ATXN1L: variants seen among roughly 807,000 people sequenced by gnomAD.
ATXN1L encodes ataxin-1-like.
A neutral mutation model predicts 43.4 loss-of-function variants in ATXN1L; 8 were observed. The ratio of observed to expected loss-of-function variants is 0.18; its 90% CI spans 0.11 to 0.33. ATXN1L has a LOEUF of 0.33. Ranked by LOEUF, ATXN1L falls within the 10% of genes least tolerant of loss-of-function variation. ATXN1L has a pLI of 1.00. For missense variants in ATXN1L, 856 were observed against 885.4 expected (o/e 0.97, Z 0.42); for synonymous variants, 379 against 360.6 (o/e 1.05, Z -0.58).
chr16:71,851,143 A>G lies in ATXN1L; in HGVS notation c.1403A>G (p.His468Arg), dbSNP rs1382793954. Residue 468 changes from histidine (H) to arginine (R), a missense_variant, in exon 3 of 3, where the codon CAT (histidine) becomes CGT (arginine). Coordinates refer to ENST00000427980, the MANE Select transcript of ATXN1L (RefSeq NM_001137675.4). This position sits in a 1 kb window ranked among gnomAD's most constrained non-coding sequence, Gnocchi z 4.9. Reference protein sequence around the residue: ...PPITSSHLPSHFMKGAIIQLA... With the variant: ...PPITSSHLPSRFMKGAIIQLA... ...ATTACCTCCTCTCACTTGCCTTCCC[A>G]TTTCATGAAAGGCGCCATCATCCAG... The G allele has an allele frequency of 1.3e-6, 2 of 1,551,496 alleles. No individual in the cohort carries two copies. Among genetic ancestry groups the G allele is most frequent in the Non-Finnish European group, 8.7e-7 (1 of 1,146,948 alleles).
rs2033534454 is a variant in ATXN1L, at chr16:71,854,552, CCT to C, written c.*2745_*2746del. On this transcript the variant is annotated 3_prime_UTR_variant, in exon 3 of 3. Coordinates refer to ENST00000427980, the MANE Select transcript of ATXN1L (RefSeq NM_001137675.4). ...GCTGTGGCCTCCCCCTTGCCTTTAA[CCT>C]CTAGTTTAGTCTTTTCCTCCAGGCA... 3 of 167,186 alleles carry C rather than the reference CCT, an allele frequency of 1.8e-5. 1 individual carries two copies. The South Asian group carries it at 6.2e-4, about 35-fold the overall frequency. The allele number at this position is 167,186 out of a possible 1,614,324, so 10.4% of individuals were successfully genotyped here.
In ATXN1L at chr16:71,851,845, C is replaced by G; in HGVS notation, c.*35C>G. 1 of 1,387,630 alleles carries G rather than the reference C, an allele frequency of 7.2e-7. No individual in the cohort carries two copies. Among genetic ancestry groups the G allele is most frequent in the Non-Finnish European group, 9.4e-7 (1 of 1,064,964 alleles). The allele number at this position is 1,387,630 out of a possible 1,614,324, so 86.0% of individuals were successfully genotyped here. ...CCAGACCAGGACTGGGGCTTTACCCCAGAGCCTCGCCTCGCCGCCGTGAGC... is the reference window on the plus strand; with the variant it reads ...CCAGACCAGGACTGGGGCTTTACCCGAGAGCCTCGCCTCGCCGCCGTGAGC... On this transcript the variant is annotated 3_prime_UTR_variant, in exon 3 of 3. Coordinates refer to ENST00000427980, the MANE Select transcript of ATXN1L (RefSeq NM_001137675.4). The surrounding 1 kb of genome is among the most constrained non-coding windows in gnomAD (Gnocchi z 4.9).
chr16:71,849,724 G>A lies in ATXN1L; in HGVS notation c.-17G>A, dbSNP rs571872583. On this transcript the variant is annotated 5_prime_UTR_variant, in exon 3 of 3. Transcript: ENST00000427980. Reference sequence around the variant, plus strand: ...CAAGTCGACTCCTTCCAGGCTCCAGGAACACCACAAAGCAATATGAAACCT... The same window carrying A: ...CAAGTCGACTCCTTCCAGGCTCCAGAAACACCACAAAGCAATATGAAACCT... The A allele has an allele frequency of 9.8e-5, 144 of 1,475,768 alleles. No individual in the cohort carries two copies. In the South Asian group the frequency reaches 1.8e-3, roughly 19 times the overall value. 91.4% of individuals were successfully genotyped at this position (1,475,768 alleles called of 1,614,324 possible). A position where few individuals can be genotyped will look rare whatever the true frequency, so the allele number is the denominator to read the frequency against.
rs1176300731 is a variant in ATXN1L, at chr16:71,850,636, T to C, written c.896T>C (p.Leu299Pro). ...AACAGCAAGGGTGAAGGCCAGGGACTGGTGCCAGTGGTAGAATGTGTGGTG... is the reference window on the plus strand; with the variant it reads ...AACAGCAAGGGTGAAGGCCAGGGACCGGTGCCAGTGGTAGAATGTGTGGTG... ...SPNSKGEGQG[L>P]VPVVECVVDG... is the part of the protein sequence containing the mutation. The change falls in exon 3 of 3, where the codon CTG (leucine) becomes CCG (proline). Residue 299 changes from leucine (L) to proline (P), a missense_variant. This residue lies in a region of ATXN1L where 490 missense variants were observed against 449.4 expected (regional missense o/e 1.09). Coordinates refer to ENST00000427980, the MANE Select transcript of ATXN1L (RefSeq NM_001137675.4). 7.1e-6 allele frequency: 11 copies of C among 1,551,728 alleles called. No individual in the cohort carries two copies. In the Admixed American group the frequency reaches 2.0e-4, roughly 28 times the overall value.
chr16:71,853,750 C>G lies in ATXN1L; in HGVS notation c.*1940C>G, dbSNP rs1373028640. ...AGAGTGACTGAAACTGGCTTGTTTG[C>G]TACAAGCCCTACCCTCCACTCTTTC... On this transcript the variant is annotated 3_prime_UTR_variant, in exon 3 of 3. Transcript: ENST00000427980. The G allele has an allele frequency of 1.2e-5, 2 of 166,842 alleles. No homozygotes were observed. Among genetic ancestry groups the G allele is most frequent in the African/African-American group, 4.8e-5 (2 of 41,338 alleles). 10.3% of individuals were successfully genotyped at this position (166,842 alleles called of 1,614,324 possible). A position where few individuals can be genotyped will look rare whatever the true frequency, so the allele number is the denominator to read the frequency against.
In ATXN1L at chr16:71,856,223, T is replaced by C. The variant is rs1167399052; in HGVS notation, c.*4413T>C. The C allele has an allele frequency of 6.0e-6, 1 of 167,128 alleles. No individual in the cohort carries two copies. Among genetic ancestry groups the C allele is most frequent in the Non-Finnish European group, 1.5e-5 (1 of 68,120 alleles). 10.4% of individuals were successfully genotyped at this position (167,128 alleles called of 1,614,324 possible). On this transcript the variant is annotated 3_prime_UTR_variant, in exon 3 of 3. Coordinates refer to ENST00000427980, the MANE Select transcript of ATXN1L (RefSeq NM_001137675.4). ...ACTTTTCACACTAAAGGTTTCTTTATTAGTTCTCCAGTTAAACCTAGATCC... is the reference window on the plus strand; with the variant it reads ...ACTTTTCACACTAAAGGTTTCTTTACTAGTTCTCCAGTTAAACCTAGATCC...
At position 71,851,924 on chromosome 16, in the gene ATXN1L, T is replaced by G. The variant is rs572107321; in HGVS notation, c.*114T>G. The G allele has an allele frequency of 5.7e-6, 7 of 1,236,568 alleles. No individual in the cohort carries two copies. The highest frequency in any genetic ancestry group is 5.6e-5 in the East Asian group (2 of 35,950). The allele number at this position is 1,236,568 out of a possible 1,614,324, so 76.6% of individuals were successfully genotyped here. A position where few individuals can be genotyped will look rare whatever the true frequency, so the allele number is the denominator to read the frequency against. ...GGAATGGCTTTCTTGGCAGTGAGATTTGGGGGAAAGGGGAGGCATGAAGTC... is the reference window on the plus strand; with the variant it reads ...GGAATGGCTTTCTTGGCAGTGAGATGTGGGGGAAAGGGGAGGCATGAAGTC... On this transcript the variant is annotated 3_prime_UTR_variant, in exon 3 of 3. Coordinates refer to ENST00000427980, the MANE Select transcript of ATXN1L (RefSeq NM_001137675.4). The surrounding 1 kb of genome is among the most constrained non-coding windows in gnomAD (Gnocchi z 4.9).
rs2033477231 is a variant in ATXN1L, at chr16:71,849,632, G to A, written c.-109G>A. The A allele has an allele frequency of 6.4e-6, 8 of 1,242,964 alleles. No homozygotes were observed. Among genetic ancestry groups the A allele is most frequent in the South Asian group, 5.7e-5 (3 of 52,318 alleles). 77.0% of individuals were successfully genotyped at this position (1,242,964 alleles called of 1,614,324 possible). A position where few individuals can be genotyped will look rare whatever the true frequency, so the allele number is the denominator to read the frequency against. The stretch of plus-strand genomic sequence containing the variant: ...GATTTGTTCCCTAATAGATGTGGGC[G>A]CCCCAGCCAGAAGCAGAGAGGGGTA... On this transcript the variant is annotated 5_prime_UTR_variant, in exon 3 of 3. Coordinates refer to ENST00000427980, the MANE Select transcript of ATXN1L (RefSeq NM_001137675.4).
rs1373426001 is a variant in ATXN1L at position 71,848,049 on chromosome 16, C to T, written c.-140C>T. On this transcript the variant is annotated 5_prime_UTR_variant, in exon 2 of 3. Coordinates refer to ENST00000427980, the MANE Select transcript of ATXN1L (RefSeq NM_001137675.4). ...CGGGAGGACACTTACTACAGCTGCT[C>T]AGAAGCACCACTGGAAACTCAGGTA... The T allele has an allele frequency of 2.2e-6, 1 of 455,862 alleles. No homozygotes were observed. The highest frequency in any genetic ancestry group is 2.4e-5 in the Admixed American group (1 of 42,540). 28.2% of individuals were successfully genotyped at this position (455,862 alleles called of 1,614,324 possible).
rs1211391240 is a variant in ATXN1L, at chr16:71,854,321, A to G, written c.*2511A>G. The G allele has an allele frequency of 6.0e-6, 1 of 167,082 alleles. No homozygotes were observed. Among genetic ancestry groups the G allele is most frequent in the Non-Finnish European group, 1.5e-5 (1 of 68,122 alleles). The allele number at this position is 167,082 out of a possible 1,614,324, so 10.3% of individuals were successfully genotyped here. A position where few individuals can be genotyped will look rare whatever the true frequency, so the allele number is the denominator to read the frequency against. ...CTTCCACTGAATTCTGGAAAGAGAAATTCTTGAGGACCCTGGCAAGTTGGG... is the reference window on the plus strand; with the variant it reads ...CTTCCACTGAATTCTGGAAAGAGAAGTTCTTGAGGACCCTGGCAAGTTGGG... On this transcript the variant is annotated 3_prime_UTR_variant, in exon 3 of 3. Coordinates refer to ENST00000427980, the MANE Select transcript of ATXN1L (RefSeq NM_001137675.4).
At chr16:71,848,469 A>C (rs1310681945) in intron 2 of ATXN1L, 3 of 156,332 alleles carry the variant, frequency 1.9e-5, no homozygotes, top group African/African-American at 4.8e-5. Context: ...AGAGAAGGCA[A>C]ATTGAAGGTG....
At chr16:71,849,552 GTTCT>G (rs2033476806) in intron 2 of ATXN1L, 68 bp from the exon 3 acceptor site, 3 of 511,396 alleles carry the variant, frequency 5.9e-6, no homozygotes, top group South Asian at 4.7e-5. Context: ...CCATGGCACA[GTTCT>G]TTCTATTTCC....
At position 71,851,183 on chromosome 16, in the gene ATXN1L, G is replaced by C; in HGVS notation, c.1443G>C (p.Glu481Asp). 1 of 1,551,668 alleles carries C rather than the reference G, an allele frequency of 6.4e-7. No individual in the cohort carries two copies. The highest frequency in any genetic ancestry group is 1.2e-5 in the South Asian group (1 of 84,066). Reference sequence around the variant, plus strand: ...CCATCATCCAGCTGGCTACGGGAGAGCTGAAGCGGGTGGAGGACCTCCAGA... The same window carrying C: ...CCATCATCCAGCTGGCTACGGGAGACCTGAAGCGGGTGGAGGACCTCCAGA... Reference protein sequence around the residue: ...KGAIIQLATGELKRVEDLQTQ... With the variant: ...KGAIIQLATGDLKRVEDLQTQ... Residue 481 changes from glutamate (E) to aspartate (D), a missense_variant, in exon 3 of 3, where the codon GAG (glutamate) becomes GAC (aspartate). Glu to Asp is a conservative substitution (Grantham distance 45). Coordinates refer to ENST00000427980, the MANE Select transcript of ATXN1L (RefSeq NM_001137675.4). The surrounding 1 kb of genome is among the most constrained non-coding windows in gnomAD (Gnocchi z 4.9).
At chr16:71,849,215 TTAAAAAAAAAAAAA>T (rs1249173185) in intron 2 of ATXN1L, among the ~76,000 whole-genome samples, 7 of 86,058 alleles carry the variant, frequency 8.1e-5, no homozygotes, top group South Asian at 4.4e-4. Flanking sequence ...TCCATGTGTT[TTAAAAAAAAAAAAA>T]AAAAAAAAAA....
chr16:71,851,327 T>C lies in ATXN1L; in HGVS notation c.1587T>C (p.Gly529=), dbSNP rs770683610. 99 of 1,551,480 alleles carry C rather than the reference T, an allele frequency of 6.4e-5. No homozygotes were observed. The highest frequency in any genetic ancestry group is 1.2e-4 in the Admixed American group (6 of 50,974). ...TTGTCATGCTGCATTTTGTGGTTGG[T>C]GAGCAGCAGAGCAAAGTGAGCATCG... ...PGFVMLHFVV[G]EQQSKVSIEV... is the part of the protein sequence containing the mutation. The change falls in exon 3 of 3, where the codon GGT becomes GGC. Residue 529 remains glycine, a synonymous_variant. Coordinates refer to ENST00000427980, the MANE Select transcript of ATXN1L (RefSeq NM_001137675.4). The surrounding 1 kb of genome is among the most constrained non-coding windows in gnomAD (Gnocchi z 4.9).
chr16:71,847,572 A>T (rs1419422574), intron 1 of ATXN1L, among the ~76,000 whole-genome samples: 1 of 151,812 alleles, frequency 6.6e-6, no homozygotes, highest in African/African-American at 2.4e-5. Context: ...ATAACTCCAC[A>T]TTTATGTTTT....
Position 71,849,959 on chromosome 16 carries a change from T to C in ATXN1L, c.219T>C (p.Gly73=). 1 of 1,551,578 alleles carries C rather than the reference T, an allele frequency of 6.4e-7. No individual in the cohort carries two copies. The highest frequency in any genetic ancestry group is 8.7e-7 in the Non-Finnish European group (1 of 1,146,916). The change falls in exon 3 of 3, where the codon GGT becomes GGC. Residue 73 remains glycine (G), a synonymous_variant. Coordinates refer to ENST00000427980, the MANE Select transcript of ATXN1L (RefSeq NM_001137675.4). ...GTGATGGAGCTGAGGCCATCACCGG[T>C]CTGACAGTGGACCAGTATGGCATGC... is the stretch of plus-strand genomic sequence containing the variant. The part of the protein sequence containing the change: ...LGGDGAEAIT[G]LTVDQYGMLY...
In ATXN1L at chr16:71,855,644, G is replaced by A. The variant is rs1032830793; in HGVS notation, c.*3834G>A. On this transcript the variant is annotated 3_prime_UTR_variant, in exon 3 of 3. Transcript: ENST00000427980. ...CGCTGGAGATGAAGGGTTGGACATG[G>A]ATTGACTGGGAAAAGGCCTGGGTCC... is the stretch of plus-strand genomic sequence containing the variant. 6.0e-6 allele frequency: 1 copy of A among 167,164 alleles called. No individual in the cohort carries two copies. The highest frequency in any genetic ancestry group is 2.4e-5 in the African/African-American group (1 of 41,450). The allele number at this position is 167,164 out of a possible 1,614,324, so 10.4% of individuals were successfully genotyped here.
rs1239503091 is a variant in ATXN1L, at chr16:71,853,754, A to T, written c.*1944A>T. Reference sequence around the variant, plus strand: ...TGACTGAAACTGGCTTGTTTGCTACAAGCCCTACCCTCCACTCTTTCATTC... The same window carrying T: ...TGACTGAAACTGGCTTGTTTGCTACTAGCCCTACCCTCCACTCTTTCATTC... On this transcript the variant is annotated 3_prime_UTR_variant, in exon 3 of 3. Transcript: ENST00000427980. 6.0e-6 allele frequency: 1 copy of T among 166,930 alleles called. No homozygotes were observed. The highest frequency in any genetic ancestry group is 2.4e-5 in the African/African-American group (1 of 41,402). The allele number at this position is 166,930 out of a possible 1,614,324, so 10.3% of individuals were successfully genotyped here.
Sources: allele counts gnomAD v4.1 joint callset (sites outside exome capture counted in the v4.1 genomes callset), GRCh38; gene constraint gnomAD v4.1.1; regional missense constraint gnomAD v4.1.1; non-coding constraint Gnocchi (gnomAD v3.1); transcripts MANE v1.5; gene names NCBI Gene and HGNC (gene_info 2026-07-23, HGNC 2026-07-21).